SPTBN1: variants seen among roughly 807,000 people sequenced by gnomAD.
SPTBN1 encodes spectrin beta, non-erythrocytic 1, also known as spectrin beta chain, non-erythrocytic 1.
A neutral mutation model predicts 266.4 loss-of-function variants in SPTBN1; 32 were observed. That is an observed-to-expected ratio of 0.12 (90% CI 0.09 to 0.16). The LOEUF is 0.16. Among genes scored for constraint, SPTBN1 ranks in the 10% least tolerant of loss-of-function variants. The pLI, the probability that SPTBN1 is intolerant of heterozygous loss-of-function variation, is 1.00. For missense variants in SPTBN1, 2,296 were observed against 3,067.1 expected (o/e 0.75, Z 5.94); for synonymous variants, 1,336 against 1,162.2 (o/e 1.15, Z -3.04).
intron 2 of SPTBN1, among the ~76,000 whole-genome samples, chr2:54,589,791 T>A (rs1234058547): frequency 6.6e-6 from 1 of 152,208 alleles, no homozygotes; most frequent in Non-Finnish European, 1.5e-5. Flanking sequence ...TCCGGCTTCC[T>A]GCTCTGTGTA....
chr2:54,612,350 C>T lies in SPTBN1; in HGVS notation c.474+16C>T, dbSNP rs750741818. ...GCGCTTCCAGGTAAGGGTCTCTGCCCAGGGTTGCTCAGAACTTAGGCCGAC... is the reference window on the plus strand; with the variant it reads ...GCGCTTCCAGGTAAGGGTCTCTGCCTAGGGTTGCTCAGAACTTAGGCCGAC... On this transcript the variant is annotated intron_variant, in intron 4 of 35. Transcript: ENST00000356805. 1 of 1,599,418 alleles carries T rather than the reference C, an allele frequency of 6.3e-7. No homozygotes were observed. Among genetic ancestry groups the T allele is most frequent in the Admixed American group, 1.7e-5 (1 of 58,754 alleles).
intron 3 of SPTBN1, among the ~76,000 whole-genome samples, chr2:54,608,157 G>C (rs12623169): frequency 0.57 from 87,203 of 152,084 alleles, 25,215 homozygotes; most frequent in Admixed American, 0.63. Flanking sequence ...TCAGTTCACT[G>C]TGCACATAAC....
chr2:54,539,769 T>C (rs1417935390), intron 2 of SPTBN1, among the ~76,000 whole-genome samples: 1 of 152,196 alleles, frequency 6.6e-6, no homozygotes, highest in Non-Finnish European at 1.5e-5. Context: ...CTTGAACTCC[T>C]GGGCTCAAGA....
At chr2:54,642,090 C>T in intron 18 of SPTBN1, among the ~76,000 whole-genome samples, 1 of 152,304 alleles carries the variant, frequency 6.6e-6, no homozygotes, top group East Asian at 1.9e-4. Context: ...AAACAAAAAG[C>T]TCTTCCTAGG....
rs375700011 is a variant in SPTBN1, at chr2:54,608,361, G to A, written c.301-3800G>A. On this transcript the variant is annotated intron_variant, in intron 3 of 35. Coordinates refer to ENST00000356805, the MANE Select transcript of SPTBN1 (RefSeq NM_003128.3). ...TAGAGTTGTGAGGAAAAGAAGAGCT[G>A]TGAGAACCAGAATGATTGGAAATGG... Among the ~76,000 whole-genome samples, 9 of 152,314 alleles carry A rather than the reference G, an allele frequency of 5.9e-5. No individual in the cohort carries two copies. The East Asian group carries it at 1.5e-3, about 26-fold the overall frequency.
At chr2:54,563,626 CGG>C in intron 2 of SPTBN1, among the ~76,000 whole-genome samples, 1 of 70,224 alleles carries the variant, frequency 1.4e-5, no homozygotes, top group South Asian at 5.1e-4. Context: ...TTTTTTGAGA[CGG>C]GGTCTCACCC....
intron 1 of SPTBN1, among the ~76,000 whole-genome samples, chr2:54,468,945 AT>A (rs1457246586): frequency 6.6e-6 from 1 of 152,218 alleles, no homozygotes; most frequent in Non-Finnish European, 1.5e-5. Context: ...TTTAAGTGTA[AT>A]AAATTTTACT....
chr2:54,613,836 C>T (rs1187478068), intron 4 of SPTBN1, among the ~76,000 whole-genome samples: 1 of 152,180 alleles, frequency 6.6e-6, no homozygotes, highest in Non-Finnish European at 1.5e-5. Context: ...ATTAGCAGTA[C>T]ACTCCTCTAG....
chr2:54,638,524 C>T lies in SPTBN1; in HGVS notation c.3858+721C>T, dbSNP rs184839669. ...TTTAATGTGGCATTAATCTGATGAT[C>T]ATTGTACTATTTCATGCTCTTCTGA... On this transcript the variant is annotated intron_variant, in intron 18 of 35. Coordinates refer to ENST00000356805, the MANE Select transcript of SPTBN1 (RefSeq NM_003128.3). Among the ~76,000 whole-genome samples, 782 of 152,322 alleles carry T rather than the reference C, an allele frequency of 5.1e-3. 4 individuals are homozygous for T. Among genetic ancestry groups the T allele is most frequent in the Middle Eastern group, 0.024 (7 of 294 alleles).
chr2:54,577,311 C>G (rs1418045173), intron 2 of SPTBN1, among the ~76,000 whole-genome samples: 4 of 152,202 alleles, frequency 2.6e-5, no homozygotes, highest in African/African-American at 4.8e-5. Context: ...TGGTCACTTT[C>G]ATTTTACCGA....
intron 1 of SPTBN1, among the ~76,000 whole-genome samples, chr2:54,481,389 T>TGA (rs1360233437): frequency 1.9e-4 from 19 of 102,532 alleles, no homozygotes; most frequent in African/African-American, 8.3e-4. Flanking sequence ...TGCAGAAACC[T>TGA]GAGTGTGTGT....
rs982523563 is a variant in SPTBN1 at position 54,653,433 on chromosome 2, A to G, written c.5578-176A>G. 25 of 927,046 alleles carry G rather than the reference A, an allele frequency of 2.7e-5. No homozygotes were observed. The highest frequency in any genetic ancestry group is 3.9e-5 in the Non-Finnish European group (25 of 632,914). The allele number at this position is 927,046 out of a possible 1,614,324, so 57.4% of individuals were successfully genotyped here. On this transcript the variant is annotated intron_variant, in intron 26 of 35. Transcript: ENST00000356805. The surrounding 1 kb of genome is among the most constrained non-coding windows in gnomAD (Gnocchi z 5.1). ...TAATGTAGTTGAACAGATTTATAGA[A>G]AACGGGTTTTTGTGACTTGGATCTC...
intron 16 of SPTBN1, 46 bp downstream of exon 16, chr2:54,631,657 T>C: frequency 6.4e-7 from 1 of 1,568,624 alleles, no homozygotes; most frequent in Non-Finnish European, 8.6e-7. Context: ...AAAGCAGCCC[T>C]GGCTGCCTTT....
intron 1 of SPTBN1, among the ~76,000 whole-genome samples, chr2:54,474,915 G>A (rs773292155): frequency 6.6e-6 from 1 of 152,192 alleles, no homozygotes; most frequent in Non-Finnish European, 1.5e-5. Context: ...GCTCATGCCT[G>A]TAATCCCAGC....
At chr2:54,616,367 A>C in intron 5 of SPTBN1, 69 bp downstream of exon 5, 4 of 1,392,262 alleles carry the variant, frequency 2.9e-6, no homozygotes, top group South Asian at 1.3e-5. Context: ...GTCATCACTT[A>C]GAAGGTGTTG....
intron 2 of SPTBN1, among the ~76,000 whole-genome samples, chr2:54,559,314 C>T (rs765342329): frequency 1.3e-5 from 2 of 152,078 alleles, no homozygotes; most frequent in African/African-American, 4.8e-5. Context: ...AGAACAATAG[C>T]AAAGGGGAGG....
intron 2 of SPTBN1, among the ~76,000 whole-genome samples, chr2:54,596,153 C>G (rs762704812): frequency 2.3e-4 from 35 of 152,176 alleles, no homozygotes; most frequent in Admixed American, 2.0e-4. Flanking sequence ...CTTGGAAGCA[C>G]TCCTGGATTG....
intron 1 of SPTBN1, among the ~76,000 whole-genome samples, chr2:54,494,733 G>C (rs1668873955): frequency 6.6e-6 from 1 of 152,108 alleles, no homozygotes; most frequent in Non-Finnish European, 1.5e-5. Context: ...GGAGAATAAG[G>C]GTAAGTGAGG....
At chr2:54,537,053 A>G (rs552455341) in intron 2 of SPTBN1, among the ~76,000 whole-genome samples, 33 of 152,294 alleles carry the variant, frequency 2.2e-4, no homozygotes, top group Non-Finnish European at 4.3e-4. Flanking sequence ...ATACATACAT[A>G]CAAGAGAGTT....
Sources: allele counts gnomAD v4.1 joint callset (sites outside exome capture counted in the v4.1 genomes callset), GRCh38; gene constraint gnomAD v4.1.1; non-coding constraint Gnocchi (gnomAD v3.1); transcripts MANE v1.5; gene names NCBI Gene and HGNC (gene_info 2026-07-23, HGNC 2026-07-21).